The following TRMT2A variants were observed in gnomAD, a reference collection of about 807,000 sequenced individuals.
TRMT2A encodes tRNA methyltransferase 2A.
In TRMT2A, 60 loss-of-function variants were observed where a neutral mutation model predicts 59.3. The observed-to-expected ratio is 1.01, with a 90% CI of 0.82 to 1.26. The LOEUF (loss-of-function observed/expected upper bound fraction) is 1.26, where lower values mean the gene tolerates loss of function less well. Among genes scored for constraint, TRMT2A ranks in the 50% most tolerant of loss-of-function variants. The pLI, the probability that TRMT2A is intolerant of heterozygous loss-of-function variation, is 0.00. For synonymous variants in TRMT2A, 403 were observed against 353.7 expected, an observed-to-expected ratio of 1.14 and a Z score of -1.56; for missense variants, 863 against 845.2, an observed-to-expected ratio of 1.02 and a Z score of -0.26.
In TRMT2A at chr22:20,116,421, G is replaced by A. The variant is rs775586109; in HGVS notation, c.216C>T (p.Ile72=). The change falls in exon 2 of 12, where the codon ATC becomes ATT. Residue 72 remains isoleucine (I), a synonymous_variant. Coordinates refer to ENST00000252136, the MANE Select transcript of TRMT2A (RefSeq NM_022727.6). ...GCACGTTCTGCAGCTCCAGTTTAAA[G>A]ATCTCAGAGGTAAACAAGTCATCCC... is the stretch of plus-strand genomic sequence containing the variant. ...YIRDDLFTSE[I]FKLELQNVPR... 18 of 1,611,772 alleles carry A rather than the reference G, an allele frequency of 1.1e-5. No homozygotes were observed. The Admixed American group carries it at 2.7e-4, about 24-fold the overall frequency.
rs566256313 is a variant in TRMT2A, at chr22:20,113,516, G to A, written c.1357-9C>T. On this transcript the variant is annotated splice_polypyrimidine_tract_variant and intron_variant, in intron 8 of 11. Transcript: ENST00000252136. ...ATGACCCTCTTTACCTTCTGAAACA[G>A]GAAAGCGTGGTGTCGCCCCACCCAG... 4 of 1,613,344 alleles carry A rather than the reference G, an allele frequency of 2.5e-6. No homozygotes were observed. The highest frequency in any genetic ancestry group is 2.2e-5 in the South Asian group (2 of 91,076).
Position 20,116,821 on chromosome 22 carries a change from T to A in TRMT2A, c.24+62A>T, listed in dbSNP as rs554374554. 3.4e-6 allele frequency: 5 copies of A among 1,453,596 alleles called. No individual in the cohort carries two copies. The South Asian group carries it at 6.1e-5, about 18-fold the overall frequency. The allele number at this position is 1,453,596 out of a possible 1,614,324, so 90.0% of individuals were successfully genotyped here. A position where few individuals can be genotyped will look rare whatever the true frequency, so the allele number is the denominator to read the frequency against. On this transcript the variant is annotated intron_variant, in intron 1 of 11. Transcript: ENST00000252136. ...CCCACCTATTCTCTGGCAGGTTTCC[T>A]GACCCACCCCGCCTCCTCCCACCCC...
rs2050024071 is a variant in TRMT2A at position 20,116,478 on chromosome 22, C to G, written c.159G>C (p.Pro53=). 1 of 1,612,734 alleles carries G rather than the reference C, an allele frequency of 6.2e-7. No individual in the cohort carries two copies. The highest frequency in any genetic ancestry group is 8.5e-7 in the Non-Finnish European group (1 of 1,179,944). Reference sequence around the variant, plus strand: ...AGCTGTAGAGCCCGGGCTGAGGCCCCGGCCCTGTAGCCGCCCCAGCGCCCT... The same window carrying G: ...AGCTGTAGAGCCCGGGCTGAGGCCCGGGCCCTGTAGCCGCCCCAGCGCCCT... ...EKEGAGAATG[P]GPQPGLYSYI... The change falls in exon 2 of 12, where the codon CCG becomes CCC. Residue 53 remains proline, a synonymous_variant. Coordinates refer to ENST00000252136, the MANE Select transcript of TRMT2A (RefSeq NM_022727.6).
chr22:20,116,741 T>G, intron 1 of TRMT2A, 129 bp from the exon 2 acceptor site: 1 of 1,369,670 alleles, frequency 7.3e-7, no homozygotes, highest in Non-Finnish European at 1.0e-6. Context: ...TCCCCCAGTC[T>G]ACCCTCCCGA....
At position 20,113,777 on chromosome 22, in the gene TRMT2A, G is replaced by C. The variant is rs549097032; in HGVS notation, c.1265C>G (p.Thr422Arg). The C allele has an allele frequency of 7.3e-5, 117 of 1,603,232 alleles. No individual in the cohort carries two copies. Among genetic ancestry groups the C allele is most frequent in the Non-Finnish European group, 9.4e-5 (110 of 1,174,206 alleles). ...CAATTGGGCCCAGTCCTGGATGACTGTGTAGAGCACCTCGGCTGCGGGTGT... is the reference window on the plus strand; with the variant it reads ...CAATTGGGCCCAGTCCTGGATGACTCTGTAGAGCACCTCGGCTGCGGGTGT... ...VNTPAAEVLY[T>R]VIQDWAQLDA... Residue 422 changes from threonine (T) to arginine (R), a missense_variant, in exon 8 of 12, where the codon ACA becomes AGA. Physicochemically the swap from Thr to Arg is moderately conservative, Grantham distance 71. Coordinates refer to ENST00000252136, the MANE Select transcript of TRMT2A (RefSeq NM_022727.6).
At chr22:20,114,126 A>C (rs914402831) in intron 7 of TRMT2A, among the ~76,000 whole-genome samples, 2 of 151,816 alleles carry the variant, frequency 1.3e-5, no homozygotes, top group African/African-American at 4.8e-5. Flanking sequence ...CCCACAACTC[A>C]CACCGGGGCC....
At position 20,117,133 on chromosome 22, in the gene TRMT2A, G is replaced by A; in HGVS notation, c.-227C>T. 1 of 584,200 alleles carries A rather than the reference G, an allele frequency of 1.7e-6. No individual in the cohort carries two copies. Among genetic ancestry groups the A allele is most frequent in the Non-Finnish European group, 2.8e-6 (1 of 355,418 alleles). The allele number at this position is 584,200 out of a possible 1,614,324, so 36.2% of individuals were successfully genotyped here. On this transcript the variant is annotated 5_prime_UTR_variant, in exon 1 of 12. Coordinates refer to ENST00000252136, the MANE Select transcript of TRMT2A (RefSeq NM_022727.6). ...AGGTCCGGGTCTCAGGCTTGGGGCT[G>A]TACCGCCCGCCCGCCAGGGGCCCGC... is the stretch of plus-strand genomic sequence containing the variant.
At position 20,117,107 on chromosome 22, in the gene TRMT2A, C is replaced by T; in HGVS notation, c.-201G>A. 1.4e-6 allele frequency: 1 copy of T among 695,398 alleles called. No homozygotes were observed. The highest frequency in any genetic ancestry group is 1.9e-5 in the South Asian group (1 of 52,480). The allele number at this position is 695,398 out of a possible 1,614,324, so 43.1% of individuals were successfully genotyped here. ...GGGCGGGACTCGAACCTGCGATGCT[C>T]AGGTCCGGGTCTCAGGCTTGGGGCT... On this transcript the variant is annotated 5_prime_UTR_variant, in exon 1 of 12. Coordinates refer to ENST00000252136, the MANE Select transcript of TRMT2A (RefSeq NM_022727.6).
Position 20,113,141 on chromosome 22 carries a change from A to G in TRMT2A, c.1526T>C (p.Leu509Pro). Residue 509 changes from leucine to proline, a missense_variant, in exon 10 of 12, where the codon CTG becomes CCG. Physicochemically the swap from Leu to Pro is moderately conservative, Grantham distance 98 (BLOSUM62 -3). Coordinates refer to ENST00000252136, the MANE Select transcript of TRMT2A (RefSeq NM_022727.6). ...ACGCAAGCCAGCACGGGGTGGGTCC[A>G]GGATGGCCACGAGGTGCTGGGAGGC... is the stretch of plus-strand genomic sequence containing the variant. Reference protein sequence around the residue: ...RLASQHLVAILDPPRAGLHSK... With the variant: ...RLASQHLVAIPDPPRAGLHSK... 1.9e-6 allele frequency: 3 copies of G among 1,602,948 alleles called. No individual in the cohort carries two copies. The highest frequency in any genetic ancestry group is 2.6e-6 in the Non-Finnish European group (3 of 1,173,672).
chr22:20,113,605 C>T, intron 8 of TRMT2A, 81 bp downstream of exon 8: 2 of 1,603,494 alleles, frequency 1.2e-6, no homozygotes, highest in Non-Finnish European at 1.7e-6. Context: ...ATGATGGAGT[C>T]AGCTGTGGTG....
chr22:20,113,399 ATCCC>A, intron 9 of TRMT2A, 29 bp downstream of exon 9: 18 of 713,592 alleles, frequency 2.5e-5, no homozygotes, highest in South Asian at 4.4e-5. Flanking sequence ...GGCTGCCCCC[ATCCC>A]CACCCCCACC....
rs1270199426 is a variant in TRMT2A at position 20,112,471 on chromosome 22, A to G, written c.*92T>C. The G allele has an allele frequency of 6.9e-7, 1 of 1,453,170 alleles. No individual in the cohort carries two copies. The highest frequency in any genetic ancestry group is 1.4e-5 in the African/African-American group (1 of 70,542). The allele number at this position is 1,453,170 out of a possible 1,614,324, so 90.0% of individuals were successfully genotyped here. On this transcript the variant is annotated 3_prime_UTR_variant, in exon 12 of 12. Transcript: ENST00000252136. Reference sequence around the variant, plus strand: ...AGGGTTCTGTGCCCTTTGGCTGCCTACCTCTGAATATCCTGGCCAGCAAGC... The same window carrying G: ...AGGGTTCTGTGCCCTTTGGCTGCCTGCCTCTGAATATCCTGGCCAGCAAGC...
Position 20,114,639 on chromosome 22 carries a change from C to T in TRMT2A, c.1168G>A (p.Asp390Asn), listed in dbSNP as rs376819499. Residue 390 changes from aspartate to asparagine, a missense_variant, in exon 7 of 12, where the codon GAC becomes AAC. Transcript: ENST00000252136. ...EGLPLEHVAG[D>N]RCIHEDLLGL... is the part of the protein sequence containing the mutation. ...AGCAGGTCCTCGTGGATGCACCGGTCCCCAGCCACATGCTCCAGGGGCAGG... is the reference window on the plus strand; with the variant it reads ...AGCAGGTCCTCGTGGATGCACCGGTTCCCAGCCACATGCTCCAGGGGCAGG... 6 of 1,613,666 alleles carry T rather than the reference C, an allele frequency of 3.7e-6. No homozygotes were observed. The African/African-American group carries it at 4.0e-5, about 11-fold the overall frequency.
intron 9 of TRMT2A, 32 bp downstream of exon 9, chr22:20,113,400 T>TGGGCCCCCC: frequency 9.5e-7 from 1 of 1,049,432 alleles, no homozygotes; most frequent in Non-Finnish European, 1.4e-6. Context: ...GCTGCCCCCA[T>TGGGCCCCCC]CCCCACCCCC....
Position 20,116,869 on chromosome 22 carries a change from T to C in TRMT2A, c.24+14A>G. On this transcript the variant is annotated intron_variant, in intron 1 of 11. Coordinates refer to ENST00000252136, the MANE Select transcript of TRMT2A (RefSeq NM_022727.6). ...CCCATCCCCGTCTCTACCCAGCGTC[T>C]CCCCGCACTCTACCTCGTTGTCGAG... is the stretch of plus-strand genomic sequence containing the variant. 6.3e-7 allele frequency: 1 copy of C among 1,586,362 alleles called. No individual in the cohort carries two copies. The highest frequency in any genetic ancestry group is 1.1e-5 in the South Asian group (1 of 88,448).
chr22:20,115,032 C>T lies in TRMT2A; in HGVS notation c.938G>A (p.Trp313Ter), dbSNP rs1360399422. The change falls in exon 5 of 12, where the codon TGG (tryptophan) becomes TAG (stop). Residue 313 changes from tryptophan to a stop codon, truncating the protein, a stop_gained. Transcript: ENST00000252136. LOFTEE classifies it high-confidence loss of function. The stretch of plus-strand genomic sequence containing the variant: ...GCTGGTGCGCACAGTCAGCTGCTTC[C>T]AGTGGCCTGTGTACGTCTCTGGGTC... ...AYDPETYTGHWKQLTVRTSRR... is the reference protein window; with the variant it reads ...AYDPETYTGH 15 of 1,599,090 alleles carry T rather than the reference C, an allele frequency of 9.4e-6. No homozygotes were observed. Among genetic ancestry groups the T allele is most frequent in the African/African-American group, 1.3e-5 (1 of 74,826 alleles).
intron 1 of TRMT2A, 26 bp from the exon 2 acceptor site, chr22:20,116,638 G>T: frequency 6.6e-7 from 1 of 1,521,900 alleles, no homozygotes; most frequent in South Asian, 1.3e-5. Flanking sequence ...TGGGGTGCTA[G>T]GGTGAGGACT....
chr22:20,114,368 AAGGGC>A (rs1379749802), intron 7 of TRMT2A, among the ~76,000 whole-genome samples: 1 of 152,212 alleles, frequency 6.6e-6, no homozygotes, highest in Non-Finnish European at 1.5e-5. Context: ...TCCCTGTGAC[AAGGGC>A]CACTGCCGTG....
chr22:20,115,748 G>C lies in TRMT2A; in HGVS notation c.632C>G (p.Pro211Arg). ...CTTGTGCCTCTGCTCGAGCAGCCAG[G>C]GCAGCAAGGCACGGTTGGTGCTCCC... ...EIGSTNRALL[P>R]WLLEQRHKHN... is the part of the protein sequence containing the mutation. The change falls in exon 3 of 12, where the codon CCC (proline) becomes CGC (arginine). Residue 211 changes from proline (P) to arginine (R), a missense_variant. Coordinates refer to ENST00000252136, the MANE Select transcript of TRMT2A (RefSeq NM_022727.6). 3 of 1,611,778 alleles carry C rather than the reference G, an allele frequency of 1.9e-6. No homozygotes were observed. The highest frequency in any genetic ancestry group is 2.5e-6 in the Non-Finnish European group (3 of 1,179,002).
Sources: allele counts gnomAD v4.1 joint callset (sites outside exome capture counted in the v4.1 genomes callset), GRCh38; gene constraint gnomAD v4.1.1; transcripts MANE v1.5; gene names NCBI Gene and HGNC (gene_info 2026-07-23, HGNC 2026-07-21).